The following GRID2 variants were observed in gnomAD, a reference collection of about 807,000 sequenced individuals.
GRID2 encodes the protein glutamate ionotropic receptor delta type subunit 2, also known as glutamate receptor ionotropic, delta-2.
In GRID2, 33 loss-of-function variants were observed where a neutral mutation model predicts 114.8. That is an observed-to-expected ratio of 0.29 (90% CI 0.22 to 0.38). GRID2 has a LOEUF of 0.38. Ranked by LOEUF, GRID2 falls within the 10% of genes least tolerant of loss-of-function variation. The pLI is 1.00. For synonymous variants in GRID2, 505 were observed against 449.9 expected, an observed-to-expected ratio of 1.12 and a Z score of -1.55; for missense variants, 1,184 against 1,257.7, an observed-to-expected ratio of 0.94 and a Z score of 0.89.
intron 15 of GRID2, among the ~76,000 whole-genome samples, chr4:93,770,724 A>G (rs1282568559): frequency 6.6e-6 from 1 of 152,218 alleles, no homozygotes. Context: ...ATGCAACATT[A>G]TAGCTGAGAC....
At chr4:92,914,087 A>G (rs1748596153) in intron 2 of GRID2, among the ~76,000 whole-genome samples, 1 of 152,144 alleles carries the variant, frequency 6.6e-6, no homozygotes, top group South Asian at 2.1e-4. Context: ...ATGAATTAAC[A>G]TTTGCAAATC....
Position 92,638,253 on chromosome 4 carries a change from C to T in GRID2, c.244+47967C>T, listed in dbSNP as rs76755360. Among the ~76,000 whole-genome samples the T allele has an allele frequency of 1.8e-3, 278 of 151,478 alleles. 5 individuals carry two copies. In the East Asian group the frequency reaches 0.033, roughly 18 times the overall value. The stretch of plus-strand genomic sequence containing the variant: ...GCTGTTGCTCACATTTTAAATTTGA[C>T]CATGCTAACTCAGTGTAGAAGAGCC... On this transcript the variant is annotated intron_variant, in intron 2 of 15. Transcript: ENST00000282020.
At chr4:92,415,878 G>T (rs1731590107) in intron 1 of GRID2, among the ~76,000 whole-genome samples, 1 of 150,494 alleles carries the variant, frequency 6.6e-6, no homozygotes, top group East Asian at 2.0e-4. Flanking sequence ...ATGTGCAAGT[G>T]TCTTTTTCAT....
chr4:92,562,300 T>A (rs980720285), intron 1 of GRID2, among the ~76,000 whole-genome samples: 1 of 152,162 alleles, frequency 6.6e-6, no homozygotes, highest in African/African-American at 2.4e-5. Flanking sequence ...ATTATTCTGA[T>A]TTTCCCCAAG....
intron 2 of GRID2, among the ~76,000 whole-genome samples, chr4:92,947,080 A>C (rs2149548318): frequency 6.6e-6 from 1 of 152,148 alleles, no homozygotes; most frequent in East Asian, 1.9e-4. Context: ...GTCAACATAA[A>C]AGAAAGATGT....
intron 2 of GRID2, among the ~76,000 whole-genome samples, chr4:92,645,437 T>C (rs1364391801): frequency 2.0e-5 from 3 of 151,838 alleles, no homozygotes; most frequent in African/African-American, 7.2e-5. Flanking sequence ...GGTTTCATTT[T>C]GATACAGTTA....
At chr4:92,794,684 A>G (rs769611031) in intron 2 of GRID2, among the ~76,000 whole-genome samples, 21 of 151,466 alleles carry the variant, frequency 1.4e-4, no homozygotes, top group Admixed American at 1.3e-4. Flanking sequence ...AAAAGAAGGA[A>G]TAGAGATATC....
intron 8 of GRID2, among the ~76,000 whole-genome samples, chr4:93,327,990 T>G (rs1758021283): frequency 1.3e-5 from 2 of 152,026 alleles, no homozygotes; most frequent in Admixed American, 1.3e-4. Context: ...TGAAGAAAAC[T>G]AACTAGTTTC....
intron 11 of GRID2, among the ~76,000 whole-genome samples, chr4:93,476,433 T>C (rs1454222960): frequency 1.3e-5 from 2 of 152,182 alleles, no homozygotes; most frequent in Middle Eastern, 3.2e-3. Flanking sequence ...TTCCCTCTTT[T>C]CAATTGAATT....
In GRID2 at chr4:93,514,422, TACACACACAC is replaced by T. The variant is rs56718347; in HGVS notation, c.1998-764_1998-755del. ...GAAATCGCTCCCCCCACCTCCACAGTACACACACACACACACACACACACACACACACACA... is the reference window on the plus strand; with the variant it reads ...GAAATCGCTCCCCCCACCTCCACAGTACACACACACACACACACACACACA... On this transcript the variant is annotated intron_variant, in intron 12 of 15. Transcript: ENST00000282020. Among the ~76,000 whole-genome samples, 270 of 139,754 alleles carry T rather than the reference TACACACACAC, an allele frequency of 1.9e-3. No individual in the cohort carries two copies. The Middle Eastern group carries it at 0.022, about 11-fold the overall frequency. The allele number at this position is 139,754 out of a possible 152,430, so 91.7% of individuals were successfully genotyped here.
intron 7 of GRID2, among the ~76,000 whole-genome samples, chr4:93,229,371 T>A: frequency 6.6e-6 from 1 of 151,886 alleles, no homozygotes; most frequent in East Asian, 1.9e-4. Context: ...TGACTAGGGG[T>A]TAGGGCTGGC....
At chr4:92,749,308 AG>A (rs1560570718) in intron 2 of GRID2, among the ~76,000 whole-genome samples, 2 of 94,642 alleles carry the variant, frequency 2.1e-5, no homozygotes, top group Admixed American at 2.6e-4. Flanking sequence ...CTTGATTTGT[AG>A]CTTTTTTTTT....
intron 4 of GRID2, among the ~76,000 whole-genome samples, chr4:93,161,303 T>C (rs1479838156): frequency 1.3e-5 from 2 of 151,934 alleles, no homozygotes; most frequent in African/African-American, 4.8e-5. Context: ...TGCCTTTAAC[T>C]TCTGAGGTTT....
chr4:93,314,002 T>G (rs1159271584), intron 8 of GRID2, among the ~76,000 whole-genome samples: 1 of 152,048 alleles, frequency 6.6e-6, no homozygotes, highest in East Asian at 1.9e-4. Flanking sequence ...CTTGGAACTA[T>G]TGTATAAGAA....
intron 2 of GRID2, among the ~76,000 whole-genome samples, chr4:92,879,548 C>G (rs1360207785): frequency 6.6e-6 from 1 of 152,230 alleles, no homozygotes; most frequent in Non-Finnish European, 1.5e-5. Context: ...GTGTTATCTT[C>G]TGCCAGAGAT....
At chr4:93,341,952 T>C (rs1334053415) in intron 8 of GRID2, among the ~76,000 whole-genome samples, 3 of 152,060 alleles carry the variant, frequency 2.0e-5, no homozygotes, top group Non-Finnish European at 4.4e-5. Context: ...CAAAGGATTT[T>C]ATCCAGATCT....
intron 2 of GRID2, among the ~76,000 whole-genome samples, chr4:92,775,932 T>C (rs1363646345): frequency 2.0e-5 from 3 of 152,148 alleles, no homozygotes; most frequent in Non-Finnish European, 4.4e-5. Context: ...AGTTAATGCA[T>C]ACACTATGTT....
At chr4:93,160,708 C>A (rs1462834377) in intron 4 of GRID2, among the ~76,000 whole-genome samples, 3 of 151,694 alleles carry the variant, frequency 2.0e-5, no homozygotes, top group African/African-American at 7.3e-5. Flanking sequence ...CATTCTGTAT[C>A]GTGTAGGCAT....
At chr4:93,051,644 T>A (rs1426846663) in intron 2 of GRID2, among the ~76,000 whole-genome samples, 4 of 152,048 alleles carry the variant, frequency 2.6e-5, no homozygotes, top group Admixed American at 2.6e-4. Context: ...GAAAGGAGTA[T>A]CTTTCCATGG....
Sources: allele counts gnomAD v4.1 joint callset (sites outside exome capture counted in the v4.1 genomes callset), GRCh38; gene constraint gnomAD v4.1.1; transcripts MANE v1.5; gene names NCBI Gene and HGNC (gene_info 2026-07-23, HGNC 2026-07-21).